Variants in MTG1 observed in about 807,000 individuals in gnomAD.
The protein encoded by MTG1 is mitochondrial ribosome-associated GTPase 1.
Under a neutral mutation model 39.5 loss-of-function variants are expected in MTG1, and 30 were observed. The ratio of observed to expected loss-of-function variants is 0.76; its 90% CI spans 0.57 to 1.03. MTG1 has a LOEUF of 1.03. Among genes scored for constraint, MTG1 ranks in the 50% least tolerant of loss-of-function variants. The pLI, the probability that MTG1 is intolerant of heterozygous loss-of-function variation, is 0.00. For missense variants in MTG1, 513 were observed against 447.4 expected (o/e 1.15, Z -1.32); for synonymous variants, 217 against 179.0 (o/e 1.21, Z -1.69).
At chr10:133,404,078 CTT>C (rs34621367) in intron 9 of MTG1, among the ~76,000 whole-genome samples, 80,627 of 138,608 alleles carry the variant, frequency 0.58, 24,258 homozygotes, top group Non-Finnish European at 0.67. Context: ...ATCCTTTTCC[CTT>C]TTTTTTTTTT....
chr10:133,407,986 T>G (rs1218439722), intron 9 of MTG1, among the ~76,000 whole-genome samples: 2 of 152,246 alleles, frequency 1.3e-5, no homozygotes, highest in East Asian at 3.8e-4. Context: ...TTTCAGTTTT[T>G]CCCAATATAA....
intron 9 of MTG1, among the ~76,000 whole-genome samples, chr10:133,415,637 TTC>T (rs1322615168): frequency 6.6e-6 from 1 of 152,236 alleles, no homozygotes; most frequent in African/African-American, 2.4e-5. Context: ...TTCCAGGATT[TTC>T]TCTCTCAGTG....
intron 9 of MTG1, among the ~76,000 whole-genome samples, chr10:133,405,403 T>G (rs1849955423): frequency 6.6e-6 from 1 of 152,228 alleles, no homozygotes; most frequent in Non-Finnish European, 1.5e-5. Context: ...TGGAAACATT[T>G]GAATTGCTCT....
At chr10:133,405,505 C>G (rs1282226026) in intron 9 of MTG1, among the ~76,000 whole-genome samples, 1 of 152,182 alleles carries the variant, frequency 6.6e-6, no homozygotes, top group Non-Finnish European at 1.5e-5. Flanking sequence ...TCCCCTCTTC[C>G]CCTCACCTCT....
At chr10:133,414,047 G>GCAGAGGA in intron 9 of MTG1, among the ~76,000 whole-genome samples, 1 of 149,420 alleles carries the variant, frequency 6.7e-6, no homozygotes, top group Admixed American at 6.7e-5. Context: ...GTTTTCCTAG[G>GCAGAGGA]CAGAGGACCC....
At chr10:133,418,797 C>T (rs943676046) in intron 9 of MTG1, among the ~76,000 whole-genome samples, 5 of 152,160 alleles carry the variant, frequency 3.3e-5, no homozygotes, top group African/African-American at 9.7e-5. Flanking sequence ...CTGGGTTAGT[C>T]GGGCTCCCAA....
intron 4 of MTG1, among the ~76,000 whole-genome samples, chr10:133,398,956 G>A (rs138115193): frequency 5.6e-4 from 86 of 152,284 alleles, no homozygotes; most frequent in African/African-American, 1.7e-3. Flanking sequence ...TCCCAACACC[G>A]GATACTTGGT....
chr10:133,417,529 G>A (rs1850149206), intron 9 of MTG1, among the ~76,000 whole-genome samples: 1 of 151,546 alleles, frequency 6.6e-6, no homozygotes, highest in South Asian at 2.1e-4. Flanking sequence ...TCTGGCCAGG[G>A]CAGTTAGGCA....
At chr10:133,394,379 C>T in intron 1 of MTG1, 47 bp downstream of exon 1, 1 of 1,400,400 alleles carries the variant, frequency 7.1e-7, no homozygotes, top group Non-Finnish European at 9.3e-7. Context: ...GGCCGCGGCG[C>T]CTCTGCTTCC....
At chr10:133,412,736 TATTA>T (rs1366359528) in intron 9 of MTG1, among the ~76,000 whole-genome samples, 1 of 152,216 alleles carries the variant, frequency 6.6e-6, no homozygotes, top group African/African-American at 2.4e-5. Context: ...GCTAGAGGCT[TATTA>T]ATTTTATTGA....
At chr10:133,409,528 A>ATG (rs1300543683) in intron 9 of MTG1, among the ~76,000 whole-genome samples, 1 of 152,194 alleles carries the variant, frequency 6.6e-6, no homozygotes, top group Non-Finnish European at 1.5e-5. Flanking sequence ...TGTTCTGTAA[A>ATG]TGTCAGTTAG....
At chr10:133,394,601 G>T in intron 1 of MTG1, 1 of 1,299,552 alleles carries the variant, frequency 7.7e-7, no homozygotes, top group Non-Finnish European at 9.8e-7. Flanking sequence ...CCTACCTCTG[G>T]CCCGCCGCCC....
In MTG1 at chr10:133,408,808, G is replaced by A. The variant is rs115393621; in HGVS notation, c.752+6035G>A. ...TTGTATCCAGGAATTCATCCCTTTC[G>A]TCTGGGTTTTCCAGTTCGTTGCTGT... On this transcript the variant is annotated intron_variant, in intron 9 of 10. Transcript: ENST00000317502. Among the ~76,000 whole-genome samples, 644 of 152,200 alleles carry A rather than the reference G, an allele frequency of 4.2e-3. 8 individuals are homozygous for A. The highest frequency in any genetic ancestry group is 0.014 in the African/African-American group (584 of 41,520).
intron 9 of MTG1, among the ~76,000 whole-genome samples, chr10:133,414,445 G>T (rs185525746): frequency 1.3e-5 from 2 of 152,158 alleles, no homozygotes; most frequent in African/African-American, 4.8e-5. Context: ...ACTCCCAGAC[G>T]GGGTGGTGGC....
chr10:133,414,278 A>G (rs35588026), intron 9 of MTG1, among the ~76,000 whole-genome samples: 35,868 of 149,978 alleles, frequency 0.24, 4,413 homozygotes, highest in Admixed American at 0.33. Flanking sequence ...AATTTTTCTT[A>G]GTACAGAACA....
rs201924847 is a variant in MTG1 at position 133,420,146 on chromosome 10, C to T, written c.986C>T (p.Pro329Leu). 342 of 1,611,518 alleles carry T rather than the reference C, an allele frequency of 2.1e-4. No individual in the cohort carries two copies. The highest frequency in any genetic ancestry group is 2.7e-4 in the Non-Finnish European group (320 of 1,178,970). Reference protein sequence around the residue: ...LDLDVLRGHPPAETLP With the variant: ...LDLDVLRGHPLAETLP ...CTCGACGTCCTGCGGGGCCACCCCC[C>T]GGCTGAGACTTTGCCCTGAACTTGT... Residue 329 changes from proline (P) to leucine (L), a missense_variant, in exon 11 of 11, where the codon CCG (proline) becomes CTG (leucine). Transcript: ENST00000317502.
Position 133,399,553 on chromosome 10 carries a change from A to G in MTG1, c.445A>G (p.Ile149Val), listed in dbSNP as rs1427019944. The G allele has an allele frequency of 1.9e-6, 3 of 1,614,084 alleles. No homozygotes were observed. The highest frequency in any genetic ancestry group is 2.5e-6 in the Non-Finnish European group (3 of 1,179,998). ...KENLEYCIMV[I>V]GVPNVGKSSL... ...GAACCTGGAGTACTGTATCATGGTC[A>G]TTGGGGTCCCCAACGTGGGCAAGTC... The change falls in exon 6 of 11, where the codon ATT becomes GTT. Residue 149 changes from isoleucine (I) to valine (V), a missense_variant. Ile to Val is a conservative substitution (Grantham distance 29). Coordinates refer to ENST00000317502, the MANE Select transcript of MTG1 (RefSeq NM_138384.4).
At chr10:133,408,361 T>C (rs561779104) in intron 9 of MTG1, among the ~76,000 whole-genome samples, 2 of 152,226 alleles carry the variant, frequency 1.3e-5, no homozygotes, top group African/African-American at 4.8e-5. Context: ...ATATGTTTAT[T>C]GATGTGCATA....
At position 133,394,290 on chromosome 10, in the gene MTG1, G is replaced by C. The variant is rs905524839; in HGVS notation, c.70G>C (p.Gly24Arg). ...CTGGCGGGAGAACTTCCCCCTGTGCGGTCGCGACGTGGCGCGCTGGTTCCC... is the reference window on the plus strand; with the variant it reads ...CTGGCGGGAGAACTTCCCCCTGTGCCGTCGCGACGTGGCGCGCTGGTTCCC... ...AAWRENFPLC[G>R]RDVARWFPGH... The change falls in exon 1 of 11, where the codon GGT (glycine) becomes CGT (arginine). Residue 24 changes from glycine to arginine, a missense_variant. Transcript: ENST00000317502. The C allele has an allele frequency of 4.0e-6, 6 of 1,517,466 alleles. No individual in the cohort carries two copies. The highest frequency in any genetic ancestry group is 1.2e-5 in the South Asian group (1 of 81,988). 94.0% of individuals were successfully genotyped at this position (1,517,466 alleles called of 1,614,324 possible).
Sources: gnomAD v4.1 joint callset for allele counts (sites outside exome capture counted in the v4.1 genomes callset) on GRCh38, gnomAD v4.1.1 for gene constraint, MANE v1.5 for transcripts, NCBI Gene and HGNC (gene_info 2026-07-23, HGNC 2026-07-21) for gene names.